KCNK5: variants seen among roughly 807,000 people sequenced by gnomAD.
The protein encoded by KCNK5 is potassium channel subfamily K member 5.
In KCNK5, 18 loss-of-function variants were observed where a neutral mutation model predicts 32.9. The ratio of observed to expected loss-of-function variants is 0.55; its 90% CI spans 0.38 to 0.81. The LOEUF (loss-of-function observed/expected upper bound fraction) is 0.81, where lower values mean the gene tolerates loss of function less well. KCNK5 is among the 30% of genes least tolerant of loss of function. The pLI is 0.00. For missense variants in KCNK5, 507 were observed against 651.0 expected (o/e 0.78, Z 2.41); for synonymous variants, 276 against 275.3 (o/e 1.00, Z -0.03).
In KCNK5 at chr6:39,195,869, G is replaced by T. The variant is rs1418495875; in HGVS notation, c.298+7C>A. On this transcript the variant is annotated splice_region_variant and intron_variant, in intron 2 of 4. Transcript: ENST00000359534. ...TGTGGGTGTCCTACAGGTCCCAGAA[G>T]ACTTACCAATGGTGGTAATGACGGT... 1 of 1,606,842 alleles carries T rather than the reference G, an allele frequency of 6.2e-7. No homozygotes were observed. The highest frequency in any genetic ancestry group is 2.2e-5 in the East Asian group (1 of 44,802).
chr6:39,220,682 G>A (rs899203683), intron 1 of KCNK5, among the ~76,000 whole-genome samples: 5 of 152,152 alleles, frequency 3.3e-5, no homozygotes, highest in African/African-American at 9.7e-5. Context: ...GAAACTTGAT[G>A]GGTTTTATCA....
chr6:39,190,988 A>G lies in KCNK5; in HGVS notation c.1402T>C (p.Ser468Pro). 6.4e-7 allele frequency: 1 copy of G among 1,567,610 alleles called. No individual in the cohort carries two copies. The highest frequency in any genetic ancestry group is 1.9e-5 in the Admixed American group (1 of 53,246). Residue 468 changes from serine to proline, a missense_variant, in exon 5 of 5, where the codon TCC (serine) becomes CCC (proline). Physicochemically the swap from Ser to Pro is moderately conservative, Grantham distance 74. Around this residue, in one of 6 missense-constraint regions of KCNK5, gnomAD observed 252 missense variants for 250.8 expected, o/e 1.00. Transcript: ENST00000359534. ...PLNMGEFPSS[S>P]ESTFTSTESE... ...TCAGTGCTGGTGAAGGTGGACTCGG[A>G]GGAGGAGGGGAACTCGCCCATGTTC...
chr6:39,213,532 AT>A (rs1428080476), intron 1 of KCNK5, among the ~76,000 whole-genome samples: 1 of 152,212 alleles, frequency 6.6e-6, no homozygotes, highest in Non-Finnish European at 1.5e-5. Flanking sequence ...CCAGGTCCCT[AT>A]TCCAGCCTGT....
At chr6:39,224,651 G>A (rs1423460987) in intron 1 of KCNK5, among the ~76,000 whole-genome samples, 8 of 152,168 alleles carry the variant, frequency 5.3e-5, no homozygotes, top group African/African-American at 1.9e-4. Context: ...AGGCCAGTGG[G>A]ATCCAAGAGG....
intron 1 of KCNK5, among the ~76,000 whole-genome samples, chr6:39,225,104 C>T (rs1463861704): frequency 6.6e-6 from 1 of 152,048 alleles, no homozygotes; most frequent in African/African-American, 2.4e-5. Context: ...GTTAAGCGAC[C>T]TCCTGAAAAC....
In KCNK5 at chr6:39,191,203, T is replaced by C. The variant is rs1369388375; in HGVS notation, c.1187A>G (p.Asp396Gly). 6.2e-7 allele frequency: 1 copy of C among 1,614,196 alleles called. No individual in the cohort carries two copies. Among genetic ancestry groups the C allele is most frequent in the Non-Finnish European group, 8.5e-7 (1 of 1,180,036 alleles). The change falls in exon 5 of 5, where the codon GAC becomes GGC. Residue 396 changes from aspartate to glycine, a missense_variant. Physicochemically the swap from Asp to Gly is moderately conservative, Grantham distance 94. Transcript: ENST00000359534. This position sits in a 1 kb window ranked among gnomAD's most constrained non-coding sequence, Gnocchi z 5.8. Reference sequence around the variant, plus strand: ...TGGCTCGCATTCCTCGCTGATGCGGTCCAGCTGGTTCATGAACACCTCGGG... The same window carrying C: ...TGGCTCGCATTCCTCGCTGATGCGGCCCAGCTGGTTCATGAACACCTCGGG... ...PAPEVFMNQL[D>G]RISEECEPWD...
Position 39,229,334 on chromosome 6 carries a change from G to T in KCNK5, c.-223C>A. ...GTGGGGCCCCACTCACGCGGCCCGG[G>T]GTGGGCGAACACCAGCGGGGCTGAA... On this transcript the variant is annotated 5_prime_UTR_variant, in exon 1 of 5. Coordinates refer to ENST00000359534, the MANE Select transcript of KCNK5 (RefSeq NM_003740.4). 1.7e-6 allele frequency: 1 copy of T among 590,072 alleles called. No homozygotes were observed. The highest frequency in any genetic ancestry group is 2.0e-5 in the South Asian group (1 of 49,358). The allele number at this position is 590,072 out of a possible 1,614,324, so 36.6% of individuals were successfully genotyped here.
intron 1 of KCNK5, among the ~76,000 whole-genome samples, chr6:39,206,020 T>C (rs1771218373): frequency 6.6e-6 from 1 of 152,216 alleles, no homozygotes; most frequent in South Asian, 2.1e-4. Context: ...ATCTGAGACC[T>C]AAGACCCTGA....
chr6:39,229,321 TC>T lies in KCNK5; in HGVS notation c.-211del, dbSNP rs1771729226. ...TGCGGGGAGCTGCGTGGGGCCCCAC[TC>T]ACGCGGCCCGGGGTGGGCGAACACC... is the stretch of plus-strand genomic sequence containing the variant. On this transcript the variant is annotated 5_prime_UTR_variant, in exon 1 of 5. Coordinates refer to ENST00000359534, the MANE Select transcript of KCNK5 (RefSeq NM_003740.4). The T allele has an allele frequency of 3.3e-6, 2 of 612,106 alleles. No individual in the cohort carries two copies. The highest frequency in any genetic ancestry group is 5.7e-6 in the Non-Finnish European group (2 of 353,668). The allele number at this position is 612,106 out of a possible 1,614,324, so 37.9% of individuals were successfully genotyped here.
intron 1 of KCNK5, among the ~76,000 whole-genome samples, chr6:39,206,187 C>A (rs1488050812): frequency 6.6e-6 from 1 of 152,222 alleles, no homozygotes; most frequent in Non-Finnish European, 1.5e-5. Flanking sequence ...ACAGAACAAC[C>A]AGCCCTCCAC....
intron 1 of KCNK5, among the ~76,000 whole-genome samples, chr6:39,207,467 G>A (rs1771248800): frequency 1.3e-5 from 2 of 152,282 alleles, no homozygotes; most frequent in Admixed American, 1.3e-4. Flanking sequence ...GAGAAGGCAG[G>A]GAGCCCAGAC....
chr6:39,223,468 C>T (rs1218418600), intron 1 of KCNK5, among the ~76,000 whole-genome samples: 1 of 152,228 alleles, frequency 6.6e-6, no homozygotes, highest in Non-Finnish European at 1.5e-5. Context: ...AGATTCGCTT[C>T]CATCTTCTCC....
rs41273122 is a variant in KCNK5 at position 39,191,226 on chromosome 6, G to A, written c.1164C>T (p.Pro388=). 2.7e-5 allele frequency: 44 copies of A among 1,614,132 alleles called. No individual in the cohort carries two copies. Among genetic ancestry groups the A allele is most frequent in the African/African-American group, 5.3e-5 (4 of 75,068 alleles). Residue 388 remains proline (P), a synonymous_variant, in exon 5 of 5, where the codon CCC becomes CCT. Coordinates refer to ENST00000359534, the MANE Select transcript of KCNK5 (RefSeq NM_003740.4). The surrounding 1 kb of genome is among the most constrained non-coding windows in gnomAD (Gnocchi z 5.8). ...GGTCCAGCTGGTTCATGAACACCTC[G>A]GGGGCAGGGGAGCTGTCTTCAGGGG... ...ARAPEDSSPA[P]EVFMNQLDRI...
chr6:39,227,113 C>A (rs1474259745), intron 1 of KCNK5, among the ~76,000 whole-genome samples: 1 of 151,874 alleles, frequency 6.6e-6, no homozygotes, highest in Non-Finnish European at 1.5e-5. Flanking sequence ...GGACCCCGCC[C>A]CCCCCGCCGT....
chr6:39,199,825 C>T (rs1771104412), intron 1 of KCNK5, among the ~76,000 whole-genome samples: 1 of 152,156 alleles, frequency 6.6e-6, no homozygotes, highest in African/African-American at 2.4e-5. Context: ...TGTCAGACAC[C>T]CCTCGCCGGG....
intron 1 of KCNK5, among the ~76,000 whole-genome samples, chr6:39,209,844 A>G (rs1771299018): frequency 6.6e-6 from 1 of 152,182 alleles, no homozygotes; most frequent in Non-Finnish European, 1.5e-5. Flanking sequence ...GCTACTCCCT[A>G]GCCTGGAGTC....
chr6:39,223,983 A>G (rs1771605620), intron 1 of KCNK5, among the ~76,000 whole-genome samples: 1 of 152,146 alleles, frequency 6.6e-6, no homozygotes, highest in African/African-American at 2.4e-5. Flanking sequence ...GCCATCTGTA[A>G]TCATCCTAAG....
rs1305872281 is a variant in KCNK5, at chr6:39,189,123, C to T, written c.*1767G>A. ...TTCACAGAAAAATACGAGGCTGCTC[C>T]TTTTCAGGCCCCTGCTGGGTGGCGG... On this transcript the variant is annotated 3_prime_UTR_variant, in exon 5 of 5. Transcript: ENST00000359534. The T allele has an allele frequency of 2.0e-5, 3 of 152,300 alleles. No individual in the cohort carries two copies. The highest frequency in any genetic ancestry group is 2.9e-5 in the Non-Finnish European group (2 of 68,068). 9.4% of individuals were successfully genotyped at this position (152,300 alleles called of 1,614,324 possible).
At position 39,195,982 on chromosome 6, in the gene KCNK5, T is replaced by C. The variant is rs1007941389; in HGVS notation, c.192A>G (p.Val64=). The part of the protein sequence containing the change: ...QEGLDKILEV[V]SDAAGQGVAI... ...CCACACCCTGTCCTGCAGCATCAGA[T>C]ACCACCTAAAATGAGAAACAGTAAA... Residue 64 remains valine (V), a synonymous_variant, in exon 2 of 5, where the codon GTA becomes GTG. Coordinates refer to ENST00000359534, the MANE Select transcript of KCNK5 (RefSeq NM_003740.4). The C allele has an allele frequency of 3.1e-6, 5 of 1,610,744 alleles. No homozygotes were observed. In the African/African-American group the frequency reaches 5.3e-5, roughly 17 times the overall value.
Sources: allele counts gnomAD v4.1 joint callset (sites outside exome capture counted in the v4.1 genomes callset), GRCh38; gene constraint gnomAD v4.1.1; regional missense constraint gnomAD v4.1.1; non-coding constraint Gnocchi (gnomAD v3.1); transcripts MANE v1.5; gene names NCBI Gene and HGNC (gene_info 2026-07-23, HGNC 2026-07-21).